UNC5C: variants seen among roughly 807,000 people sequenced by gnomAD.
UNC5C encodes netrin receptor UNC5C.
UNC5C carries 47 observed loss-of-function variants against 99.8 expected under a neutral mutation model. The ratio of observed to expected loss-of-function variants is 0.47; its 90% CI spans 0.37 to 0.60. UNC5C has a LOEUF of 0.60. UNC5C is among the 20% of genes least tolerant of loss of function. UNC5C has a pLI of 0.00. For missense variants in UNC5C, 1,062 were observed against 1,165.9 expected, an observed-to-expected ratio of 0.91 and a Z score of 1.30; for synonymous variants, 487 against 452.2, an observed-to-expected ratio of 1.08 and a Z score of -0.98.
At chr4:95,436,305 A>C (rs565745967) in intron 1 of UNC5C, among the ~76,000 whole-genome samples, 162 of 152,082 alleles carry the variant, frequency 1.1e-3, no homozygotes, top group African/African-American at 3.6e-3. Context: ...ATAATATATA[A>C]TATTTTCAAA....
chr4:95,435,671 C>T (rs1263110591), intron 1 of UNC5C, among the ~76,000 whole-genome samples: 1 of 151,976 alleles, frequency 6.6e-6, no homozygotes, highest in Non-Finnish European at 1.5e-5. Context: ...TCTGGTGTTA[C>T]AATTTTCTGT....
At chr4:95,523,351 T>G (rs1385445316) in intron 1 of UNC5C, among the ~76,000 whole-genome samples, 2 of 152,156 alleles carry the variant, frequency 1.3e-5, no homozygotes, top group African/African-American at 4.8e-5. Context: ...ACTGGGCCAG[T>G]AAAGGAGATA....
At chr4:95,454,901 A>G (rs1478883764) in intron 1 of UNC5C, among the ~76,000 whole-genome samples, 1 of 152,168 alleles carries the variant, frequency 6.6e-6, no homozygotes, top group Non-Finnish European at 1.5e-5. Context: ...TTTAAATTTA[A>G]AAATTAAGTT....
intron 12 of UNC5C, among the ~76,000 whole-genome samples, chr4:95,185,836 G>A (rs1011008174): frequency 9.9e-5 from 15 of 152,038 alleles, no homozygotes; most frequent in African/African-American, 2.9e-4. Context: ...AAAATATTCC[G>A]ATACAGATTA....
At chr4:95,490,278 G>C (rs1245497937) in intron 1 of UNC5C, among the ~76,000 whole-genome samples, 3 of 151,548 alleles carry the variant, frequency 2.0e-5, no homozygotes. Context: ...AGAAAAAAAG[G>C]CATTAAAAAG....
chr4:95,180,045 C>T (rs931467042), intron 14 of UNC5C, among the ~76,000 whole-genome samples: 1 of 152,000 alleles, frequency 6.6e-6, no homozygotes, highest in Non-Finnish European at 1.5e-5. Flanking sequence ...GACTCAAAAG[C>T]CCTGTTATCC....
At chr4:95,547,828 G>GGGCGGACAAGAAGGGAGCCC (rs1185101209) in intron 1 of UNC5C, among the ~76,000 whole-genome samples, 1 of 152,188 alleles carries the variant, frequency 6.6e-6, no homozygotes, top group Non-Finnish European at 1.5e-5. Flanking sequence ...GAAGGGAGCC[G>GGGCGGACAAGAAGGGAGCCC]GGCGATCAGC....
intron 1 of UNC5C, among the ~76,000 whole-genome samples, chr4:95,394,215 T>A (rs1053531186): frequency 6.6e-6 from 1 of 150,736 alleles, no homozygotes; most frequent in Non-Finnish European, 1.5e-5. Flanking sequence ...GCTTTCTAAA[T>A]AACAGATTTC....
intron 1 of UNC5C, among the ~76,000 whole-genome samples, chr4:95,399,018 A>T (rs1745606789): frequency 6.6e-6 from 1 of 152,296 alleles, no homozygotes; most frequent in East Asian, 1.9e-4. Context: ...AGTCTCTTTA[A>T]TTCTCTACTG....
At chr4:95,330,341 A>G (rs1743062619) in intron 2 of UNC5C, among the ~76,000 whole-genome samples, 1 of 152,130 alleles carries the variant, frequency 6.6e-6, no homozygotes, top group African/African-American at 2.4e-5. Context: ...TATAAGCATT[A>G]GACATTTAAA....
At chr4:95,519,391 C>T (rs1722294410) in intron 1 of UNC5C, among the ~76,000 whole-genome samples, 1 of 152,036 alleles carries the variant, frequency 6.6e-6, no homozygotes. Flanking sequence ...AATGATGTTC[C>T]CCCTTAAGAG....
chr4:95,532,933 A>G (rs1722689968), intron 1 of UNC5C, among the ~76,000 whole-genome samples: 1 of 151,370 alleles, frequency 6.6e-6, no homozygotes, highest in Non-Finnish European at 1.5e-5. Flanking sequence ...GGTTTTAAGA[A>G]AAAAAGTTCT....
chr4:95,398,405 T>G (rs1004216667), intron 1 of UNC5C, among the ~76,000 whole-genome samples: 2 of 151,966 alleles, frequency 1.3e-5, no homozygotes, highest in African/African-American at 2.4e-5. Context: ...AGATAACAGA[T>G]GCAATGCACT....
At chr4:95,251,379 A>C (rs1739722602) in intron 4 of UNC5C, among the ~76,000 whole-genome samples, 1 of 152,216 alleles carries the variant, frequency 6.6e-6, no homozygotes, top group African/African-American at 2.4e-5. Context: ...CTAACATTCA[A>C]ATCTTTGGCT....
rs1740725096 is a variant in UNC5C, at chr4:95,273,297, AC to A, written c.594+4961del. ...CCCCTTGTTAAAGGTGAAAGAAATC[AC>A]AGGTTTTAGAGAAAAATTCAGCTTT... On this transcript the variant is annotated intron_variant, in intron 4 of 15. Transcript: ENST00000453304. Among the ~76,000 whole-genome samples the A allele has an allele frequency of 4.6e-5, 7 of 152,342 alleles. 2 individuals are homozygous for A. In the South Asian group the frequency reaches 1.2e-3, roughly 27 times the overall value.
chr4:95,356,215 A>AAAAAAAAAAC (rs1744191519), intron 1 of UNC5C, among the ~76,000 whole-genome samples: 1 of 75,316 alleles, frequency 1.3e-5, no homozygotes, highest in Non-Finnish European at 2.7e-5. Context: ...AAAAAAAACA[A>AAAAAAAAAAC]AACAAAAAAA....
intron 3 of UNC5C, among the ~76,000 whole-genome samples, chr4:95,292,216 T>TAC (rs1301879539): frequency 6.6e-4 from 82 of 125,182 alleles, no homozygotes; most frequent in Admixed American, 1.6e-3. Flanking sequence ...TACATATATA[T>TAC]ACACACACAC....
chr4:95,183,141 C>CT (rs1736686066), intron 13 of UNC5C, 80 bp from the exon 14 acceptor site: 8 of 1,386,612 alleles, frequency 5.8e-6, no homozygotes, highest in Admixed American at 5.4e-5. Context: ...GCCAGGTACT[C>CT]TGAGTATCAC....
At chr4:95,234,369 C>G (rs1172632832) in intron 7 of UNC5C, among the ~76,000 whole-genome samples, 1 of 137,020 alleles carries the variant, frequency 7.3e-6, no homozygotes, top group African/African-American at 2.7e-5. Context: ...ACAAACACGC[C>G]AAATCGCTTA....
Sources: allele counts gnomAD v4.1 joint callset (sites outside exome capture counted in the v4.1 genomes callset), GRCh38; gene constraint gnomAD v4.1.1; transcripts MANE v1.5; gene names NCBI Gene and HGNC (gene_info 2026-07-23, HGNC 2026-07-21).